LINGO2: variants seen among roughly 807,000 people sequenced by gnomAD.
LINGO2 encodes leucine rich repeat and Ig domain containing 2, also known as leucine-rich repeat and immunoglobulin-like domain-containing nogo receptor-interacting protein 2.
In LINGO2, 14 loss-of-function variants were observed where a neutral mutation model predicts 30.6. The ratio of observed to expected loss-of-function variants is 0.46; its 90% CI spans 0.30 to 0.72. LINGO2 has a LOEUF of 0.72. Among genes scored for constraint, LINGO2 ranks in the 30% least tolerant of loss-of-function variants. The probability of loss-of-function intolerance (pLI) is 0.07; values close to 1 mark genes in which losing one functional copy is unlikely to be tolerated. For missense variants in LINGO2, 729 were observed against 751.7 expected, an observed-to-expected ratio of 0.97 and a Z score of 0.35; for synonymous variants, 317 against 288.5, an observed-to-expected ratio of 1.10 and a Z score of -1.00.
At chr9:28,142,157 CTTTT>C (rs3064726) in intron 4 of LINGO2, among the ~76,000 whole-genome samples, 7 of 135,972 alleles carry the variant, frequency 5.1e-5, no homozygotes, top group Admixed American at 2.2e-4. Flanking sequence ...CTTTCTTTGT[CTTTT>C]TTTTTTTTTT....
At chr9:28,282,703 G>A (rs377540274) in intron 4 of LINGO2, among the ~76,000 whole-genome samples, 6 of 152,172 alleles carry the variant, frequency 3.9e-5, no homozygotes, top group African/African-American at 1.4e-4. Flanking sequence ...TTCAGGAATC[G>A]GGTGGGAGAC....
intron 5 of LINGO2, among the ~76,000 whole-genome samples, chr9:28,002,938 A>G (rs1822037362): frequency 6.6e-6 from 1 of 152,106 alleles, no homozygotes. Flanking sequence ...CTACAATGGG[A>G]TGGCATCCTG....
In LINGO2 at chr9:28,171,426, G is replaced by A. The variant is rs1414423742; in HGVS notation, c.-87+123782C>T. The stretch of plus-strand genomic sequence containing the variant: ...GATCAGGGTAGGGCTGTACCTGAAA[G>A]GGTCACTTCCACAAGGTCCTTCATC... On this transcript the variant is annotated intron_variant, in intron 4 of 5. Transcript: ENST00000379992. Among the ~76,000 whole-genome samples the A allele has an allele frequency of 2.6e-5, 4 of 152,100 alleles. No individual in the cohort carries two copies. In the East Asian group the frequency reaches 7.7e-4, roughly 29 times the overall value.
the LINGO2 span, among the ~76,000 whole-genome samples, chr9:29,158,184 T>TAAA: frequency 8.4e-6 from 1 of 119,698 alleles, no homozygotes; most frequent in Non-Finnish European, 1.8e-5. Flanking sequence ...CTACACAAAG[T>TAAA]AAAAAAAAAC....
intron 4 of LINGO2, among the ~76,000 whole-genome samples, chr9:28,217,741 C>CT (rs1032518777): frequency 4.0e-4 from 61 of 152,066 alleles, no homozygotes; most frequent in African/African-American, 1.3e-3. Flanking sequence ...CGAAAGACCC[C>CT]TTCTAACATT....
chr9:28,840,837 G>T, the LINGO2 span, among the ~76,000 whole-genome samples: 2 of 151,798 alleles, frequency 1.3e-5, no homozygotes, highest in Non-Finnish European at 2.9e-5. Flanking sequence ...AGAGTAATTT[G>T]GTTCATACCC....
At chr9:28,608,017 A>C (rs1332156399) in intron 1 of LINGO2, among the ~76,000 whole-genome samples, 1 of 152,072 alleles carries the variant, frequency 6.6e-6, no homozygotes, top group Non-Finnish European at 1.5e-5. Flanking sequence ...AATGGTTTGC[A>C]TATGTTTCCA....
At chr9:28,737,234 TC>T in the LINGO2 span, among the ~76,000 whole-genome samples, 4 of 152,126 alleles carry the variant, frequency 2.6e-5, no homozygotes, top group Non-Finnish European at 4.4e-5. Flanking sequence ...GCCTGGGCAG[TC>T]CCCAGTCACT....
At chr9:28,520,253 G>C (rs920273554) in intron 1 of LINGO2, among the ~76,000 whole-genome samples, 1 of 152,046 alleles carries the variant, frequency 6.6e-6, no homozygotes, top group Non-Finnish European at 1.5e-5. Flanking sequence ...TTGACTTTAA[G>C]AGTACTTCTA....
intron 1 of LINGO2, among the ~76,000 whole-genome samples, chr9:28,622,940 A>G (rs1826478739): frequency 6.6e-6 from 1 of 151,968 alleles, no homozygotes; most frequent in South Asian, 2.1e-4. Context: ...CTGATGATAG[A>G]TGATGTCAAG....
chr9:29,064,719 T>C, the LINGO2 span, among the ~76,000 whole-genome samples: 2 of 152,062 alleles, frequency 1.3e-5, no homozygotes, highest in Admixed American at 6.6e-5. Flanking sequence ...AGGGTATTTT[T>C]CAGCAACTAA....
chr9:28,195,554 A>C (rs1207949700), intron 4 of LINGO2, among the ~76,000 whole-genome samples: 1 of 150,666 alleles, frequency 6.6e-6, no homozygotes, highest in East Asian at 1.9e-4. Context: ...TTAAATAAAT[A>C]TTAAAAGATT....
At chr9:28,747,747 A>C in the LINGO2 span, among the ~76,000 whole-genome samples, 1 of 150,728 alleles carries the variant, frequency 6.6e-6, no homozygotes, top group Non-Finnish European at 1.5e-5. Context: ...CTTAACATAT[A>C]GCAATCCCTA....
chr9:28,677,532 C>T, the LINGO2 span, among the ~76,000 whole-genome samples: 1 of 152,138 alleles, frequency 6.6e-6, no homozygotes, highest in African/African-American at 2.4e-5. Context: ...TATTTCTGCA[C>T]ATCTTGGATG....
At chr9:28,511,731 AC>A (rs1322915397) in intron 1 of LINGO2, among the ~76,000 whole-genome samples, 5 of 152,172 alleles carry the variant, frequency 3.3e-5, no homozygotes, top group African/African-American at 1.2e-4. Flanking sequence ...AAGTCCCTGA[AC>A]ATCCAGCCAA....
rs535673893 is a variant in LINGO2 at position 28,347,384 on chromosome 9, C to T, written c.-246+25452G>A. 1.9e-4 allele frequency among the ~76,000 whole-genome samples: 29 copies of T among 152,068 alleles called. No individual in the cohort carries two copies. The East Asian group carries it at 5.2e-3, about 27-fold the overall frequency. On this transcript the variant is annotated intron_variant, in intron 3 of 5. Transcript: ENST00000379992. ...AAAAGGAAGAGATATGTAGCTCAAC[C>T]CTCCTAATATATATACATACACATT...
intron 4 of LINGO2, among the ~76,000 whole-genome samples, chr9:28,191,473 G>A (rs78948866): frequency 0.024 from 3,603 of 152,138 alleles, 140 homozygotes; most frequent in African/African-American, 0.074. Flanking sequence ...TGTCTAGGCA[G>A]GAAGAATAAA....
intron 2 of LINGO2, among the ~76,000 whole-genome samples, chr9:28,472,907 T>C (rs954840557): frequency 6.6e-6 from 1 of 152,194 alleles, no homozygotes; most frequent in African/African-American, 2.4e-5. Flanking sequence ...TACTTTAATA[T>C]ATCCAATCTC....
the LINGO2 span, among the ~76,000 whole-genome samples, chr9:28,878,121 A>C: frequency 6.6e-6 from 1 of 151,786 alleles, no homozygotes; most frequent in African/African-American, 2.4e-5. Context: ...TGAGAGAAGA[A>C]TCAAACAGAT....
Sources: allele counts gnomAD v4.1 joint callset (sites outside exome capture counted in the v4.1 genomes callset), GRCh38; gene constraint gnomAD v4.1.1; transcripts MANE v1.5; gene names NCBI Gene and HGNC (gene_info 2026-07-23, HGNC 2026-07-21).